The following ANO2 variants were observed in gnomAD, a reference collection of about 807,000 sequenced individuals.
ANO2 encodes the protein anoctamin-2.
Under a neutral mutation model 124.2 loss-of-function variants are expected in ANO2, and 101 were observed. The ratio of observed to expected loss-of-function variants is 0.81; its 90% CI spans 0.69 to 0.96. The LOEUF (loss-of-function observed/expected upper bound fraction) is 0.96, where lower values mean the gene tolerates loss of function less well. ANO2 is among the 40% of genes least tolerant of loss of function. The pLI is 0.00. For missense variants in ANO2, 1,293 were observed against 1,274.5 expected (o/e 1.01, Z -0.22); for synonymous variants, 486 against 482.5 (o/e 1.01, Z -0.09).
At chr12:5,944,352 T>C (rs1303286084) in intron 1 of ANO2, among the ~76,000 whole-genome samples, 8 of 152,182 alleles carry the variant, frequency 5.3e-5, no homozygotes, top group African/African-American at 1.9e-4. Flanking sequence ...CCAGACGAGG[T>C]TCCACATGGT....
At chr12:5,651,191 T>A (rs919134833) in intron 14 of ANO2, among the ~76,000 whole-genome samples, 2 of 152,234 alleles carry the variant, frequency 1.3e-5, no homozygotes, top group Non-Finnish European at 2.9e-5. Flanking sequence ...AGCTTCTTTG[T>A]CTCAGCTCTT....
chr12:5,904,188 G>A lies in ANO2; in HGVS notation c.534+16852C>T, dbSNP rs1431980737. ...GCAGCATTAGTCTCCAATGTAAGCA[G>A]CTTATGGAAGCTGTAGTAAAGAAGG... On this transcript the variant is annotated intron_variant, in intron 3 of 24. Transcript: ENST00000682330. The surrounding 1 kb of genome is among the most constrained non-coding windows in gnomAD (Gnocchi z 4.1). 6.6e-6 allele frequency among the ~76,000 whole-genome samples: 1 copy of A among 152,204 alleles called. No individual in the cohort carries two copies. Among genetic ancestry groups the A allele is most frequent in the Non-Finnish European group, 1.5e-5 (1 of 68,042 alleles).
intron 10 of ANO2, among the ~76,000 whole-genome samples, chr12:5,772,140 A>G (rs1048390786): frequency 2.0e-5 from 3 of 152,218 alleles, no homozygotes; most frequent in Non-Finnish European, 2.9e-5. Context: ...GAAAAATATC[A>G]TATTAATGCA....
chr12:5,582,112 C>A (rs915297275), intron 20 of ANO2, among the ~76,000 whole-genome samples: 3 of 152,222 alleles, frequency 2.0e-5, no homozygotes, highest in Non-Finnish European at 4.4e-5. Flanking sequence ...TTTCTAAAAG[C>A]AGCAAGCCTC....
chr12:5,719,296 C>T lies in ANO2; in HGVS notation c.1545+13224G>A, dbSNP rs1950133335. ...GACTAGAAGTGCAGGAGAATTAAGA[C>T]ACACACACTCACACACTCACACACT... On this transcript the variant is annotated intron_variant, in intron 14 of 24. Coordinates refer to ENST00000682330, the MANE Select transcript of ANO2 (RefSeq NM_001364791.2). Among the ~76,000 whole-genome samples the T allele has an allele frequency of 1.3e-5, 2 of 151,910 alleles. 1 individual carries two copies. Among genetic ancestry groups the T allele is most frequent in the South Asian group, 4.2e-4 (2 of 4,778 alleles).
intron 14 of ANO2, among the ~76,000 whole-genome samples, chr12:5,706,055 G>A (rs1014842271): frequency 3.9e-5 from 6 of 152,168 alleles, no homozygotes; most frequent in Non-Finnish European, 7.3e-5. Flanking sequence ...AAGGGTGGCC[G>A]AGGGTCAGAG....
chr12:5,617,777 C>T (rs530600150), intron 16 of ANO2, among the ~76,000 whole-genome samples: 2 of 152,390 alleles, frequency 1.3e-5, no homozygotes, highest in South Asian at 2.1e-4. Context: ...CACAGTGCCA[C>T]GCTCTCTTTC....
intron 14 of ANO2, among the ~76,000 whole-genome samples, chr12:5,719,051 T>G (rs752501116): frequency 1.3e-5 from 2 of 152,168 alleles, no homozygotes; most frequent in Non-Finnish European, 2.9e-5. Flanking sequence ...TTAAATTCCC[T>G]CCACTGAACT....
intron 14 of ANO2, among the ~76,000 whole-genome samples, chr12:5,705,411 G>A (rs1234136724): frequency 6.6e-6 from 1 of 152,154 alleles, no homozygotes; most frequent in African/African-American, 2.4e-5. Context: ...TCTGTCCATG[G>A]GCTCTCAGGC....
chr12:5,866,999 G>A (rs1201245227), intron 3 of ANO2, among the ~76,000 whole-genome samples: 1 of 152,218 alleles, frequency 6.6e-6, no homozygotes, highest in African/African-American at 2.4e-5. Context: ...GTCTGGGTTG[G>A]TCTAGGCTGT....
chr12:5,926,159 G>T (rs1942068715), intron 1 of ANO2, among the ~76,000 whole-genome samples: 1 of 152,178 alleles, frequency 6.6e-6, no homozygotes, highest in African/African-American at 2.4e-5. Flanking sequence ...AGCCTTGATA[G>T]CTGTTCTTCC....
Position 5,887,469 on chromosome 12 carries a change from T to C in ANO2, c.535-33328A>G, listed in dbSNP as rs78120943. 2.7e-3 allele frequency among the ~76,000 whole-genome samples: 408 copies of C among 152,328 alleles called. 9 individuals carry two copies. In the East Asian group the frequency reaches 0.054, roughly 20 times the overall value. ...GGATGTTGCTCCTCAGGGTTGCCCA[T>C]GTTTCCCTGCTCCTCAGCAGAGCCT... On this transcript the variant is annotated intron_variant, in intron 3 of 24. Coordinates refer to ENST00000682330, the MANE Select transcript of ANO2 (RefSeq NM_001364791.2).
intron 11 of ANO2, among the ~76,000 whole-genome samples, chr12:5,749,020 C>CCATT (rs1354089222): frequency 6.6e-6 from 1 of 152,104 alleles, no homozygotes; most frequent in East Asian, 1.9e-4. Context: ...GATTTGCAAA[C>CCATT]CATTTGCATA....
intron 11 of ANO2, among the ~76,000 whole-genome samples, chr12:5,750,364 C>T (rs1385256559): frequency 6.6e-6 from 1 of 152,156 alleles, no homozygotes; most frequent in Non-Finnish European, 1.5e-5. Flanking sequence ...GAGGCTGTGC[C>T]TTCCTCAGCA....
At chr12:5,806,155 A>G in intron 8 of ANO2, 62 bp from the exon 9 acceptor site, 1 of 1,518,838 alleles carries the variant, frequency 6.6e-7, no homozygotes, top group Non-Finnish European at 9.0e-7. Flanking sequence ...GTGCCAAAGG[A>G]GAAAGGATTT....
intron 3 of ANO2, among the ~76,000 whole-genome samples, chr12:5,883,443 T>C (rs545993602): frequency 2.6e-5 from 4 of 151,964 alleles, no homozygotes; most frequent in African/African-American, 9.7e-5. Flanking sequence ...ATGCCACTGA[T>C]TGGAAATAGC....
intron 10 of ANO2, among the ~76,000 whole-genome samples, chr12:5,790,141 G>T (rs1361049604): frequency 2.0e-5 from 3 of 152,200 alleles, no homozygotes; most frequent in African/African-American, 4.8e-5. Flanking sequence ...GCAGCCTAGA[G>T]ATTTTGTAGA....
At chr12:5,846,150 T>C (rs559176324) in intron 4 of ANO2, among the ~76,000 whole-genome samples, 1 of 152,352 alleles carries the variant, frequency 6.6e-6, no homozygotes, top group East Asian at 1.9e-4. Flanking sequence ...TTAAGCCAAT[T>C]ACTGTATTTG....
At chr12:5,869,135 A>G (rs571602381) in intron 3 of ANO2, among the ~76,000 whole-genome samples, 2 of 152,238 alleles carry the variant, frequency 1.3e-5, no homozygotes, top group South Asian at 2.1e-4. Context: ...AGGAAGTCCA[A>G]ATGGAAACTG....
Sources: allele counts gnomAD v4.1 joint callset (sites outside exome capture counted in the v4.1 genomes callset), GRCh38; gene constraint gnomAD v4.1.1; non-coding constraint Gnocchi (gnomAD v3.1); transcripts MANE v1.5; gene names NCBI Gene and HGNC (gene_info 2026-07-23, HGNC 2026-07-21).